YEATS2: variants seen among roughly 807,000 people sequenced by gnomAD.
YEATS2 encodes YEATS domain containing 2, also known as YEATS domain-containing protein 2.
YEATS2 carries 77 observed loss-of-function variants against 163.2 expected under a neutral mutation model. The ratio of observed to expected loss-of-function variants is 0.47; its 90% CI spans 0.39 to 0.57. The LOEUF (loss-of-function observed/expected upper bound fraction) is 0.57, where lower values mean the gene tolerates loss of function less well. Among genes scored for constraint, YEATS2 ranks in the 20% least tolerant of loss-of-function variants. YEATS2 has a pLI of 0.00. For synonymous variants in YEATS2, 631 were observed against 645.1 expected (o/e 0.98, Z 0.33); for missense variants, 1,549 against 1,729.8 (o/e 0.90, Z 1.85).
At chr3:183,720,130 G>A (rs1716341965) in intron 4 of YEATS2, among the ~76,000 whole-genome samples, 1 of 152,096 alleles carries the variant, frequency 6.6e-6, no homozygotes, top group Non-Finnish European at 1.5e-5. Flanking sequence ...ATATCAGCAG[G>A]CACCTAGTTC....
intron 7 of YEATS2, among the ~76,000 whole-genome samples, chr3:183,735,037 G>T (rs1159038292): frequency 1.3e-5 from 2 of 152,224 alleles, no homozygotes; most frequent in East Asian, 3.9e-4. Flanking sequence ...GGAATTTCCT[G>T]TTAAAAAGCA....
At chr3:183,724,853 C>T (rs1427966515) in intron 6 of YEATS2, among the ~76,000 whole-genome samples, 1 of 152,148 alleles carries the variant, frequency 6.6e-6, no homozygotes, top group Non-Finnish European at 1.5e-5. Context: ...AAGCGATTCT[C>T]CTGCCTTAGC....
Position 183,801,485 on chromosome 3 carries a change from C to G in YEATS2, c.3459C>G (p.Leu1153=). 1 of 1,611,034 alleles carries G rather than the reference C, an allele frequency of 6.2e-7. No homozygotes were observed. Among genetic ancestry groups the G allele is most frequent in the Non-Finnish European group, 8.5e-7 (1 of 1,178,648 alleles). The change falls in exon 25 of 31, where the codon CTC becomes CTG. Residue 1153 remains leucine, a synonymous_variant. Transcript: ENST00000305135. ...KIDHLETIQQ[L]LTAVVKKIPL... ...ACCATTTAGAAACTATCCAGCAACT[C>G]CTAACTGCAGTAGTAAAGAAGATTC...
In YEATS2 at chr3:183,812,348, G is replaced by A. The variant is rs1726880553; in HGVS notation, c.*1765G>A. On this transcript the variant is annotated 3_prime_UTR_variant, in exon 31 of 31. Coordinates refer to ENST00000305135, the MANE Select transcript of YEATS2 (RefSeq NM_018023.5). The stretch of plus-strand genomic sequence containing the variant: ...CAGTTTAGTATATAAGGCTCAAATA[G>A]TCTATACCTGAACTGCTATAAGCAA... The A allele has an allele frequency of 6.6e-6, 1 of 152,254 alleles. No homozygotes were observed. The highest frequency in any genetic ancestry group is 2.1e-4 in the South Asian group (1 of 4,828). 9.4% of individuals were successfully genotyped at this position (152,254 alleles called of 1,614,324 possible).
At position 183,736,763 on chromosome 3, in the gene YEATS2, C is replaced by G; in HGVS notation, c.858C>G (p.Pro286=). 6.2e-7 allele frequency: 1 copy of G among 1,613,834 alleles called. No homozygotes were observed. Among genetic ancestry groups the G allele is most frequent in the African/African-American group, 1.3e-5 (1 of 75,008 alleles). The change falls in exon 8 of 31, where the codon CCC becomes CCG. Residue 286 remains proline (P), a synonymous_variant. Transcript: ENST00000305135. ...HLTRRGWGEF[P]VRVQVHFKDS... ...CCAGAAGAGGCTGGGGTGAGTTTCC[C>G]GTCAGAGTTCAAGTTCATTTTAAGG...
chr3:183,710,808 GATAAGA>G (rs1421337395), intron 1 of YEATS2, among the ~76,000 whole-genome samples: 1 of 152,122 alleles, frequency 6.6e-6, no homozygotes, highest in African/African-American at 2.4e-5. Context: ...TGGAAGGTAG[GATAAGA>G]ATATACAGAT....
At chr3:183,718,687 T>C in intron 4 of YEATS2, 95 bp downstream of exon 4, 1 of 1,036,102 alleles carries the variant, frequency 9.7e-7, no homozygotes, top group East Asian at 2.8e-5. Context: ...TCTGAAACAT[T>C]TCTTTCTGTT....
chr3:183,797,795 C>CT, intron 21 of YEATS2, 128 bp from the exon 22 acceptor site: 1 of 1,175,956 alleles, frequency 8.5e-7, no homozygotes, highest in Non-Finnish European at 1.2e-6. Flanking sequence ...GCTTCTTGCT[C>CT]TTTGTTTACT....
At chr3:183,761,437 A>G (rs1721337842) in intron 13 of YEATS2, 70 bp from the exon 14 acceptor site, 2 of 1,351,342 alleles carry the variant, frequency 1.5e-6, no homozygotes, top group Admixed American at 3.4e-5. Context: ...TTTGTATTAA[A>G]TATAAGTGAC....
intron 1 of YEATS2, among the ~76,000 whole-genome samples, chr3:183,714,027 A>C (rs1311213070): frequency 6.6e-6 from 1 of 151,648 alleles, no homozygotes; most frequent in Non-Finnish European, 1.5e-5. Flanking sequence ...CTGGTCTCGA[A>C]CTCCTGACCT....
At chr3:183,809,273 T>C in intron 30 of YEATS2, 103 bp downstream of exon 30, 2 of 1,170,862 alleles carry the variant, frequency 1.7e-6, no homozygotes. Context: ...CAGTAGGAGA[T>C]GGAGTGAGTG....
In YEATS2 at chr3:183,724,431, A is replaced by G. The variant is rs16858033; in HGVS notation, c.550A>G (p.Ile184Val). 22,737 of 1,612,190 alleles carry G rather than the reference A, an allele frequency of 0.014. 1,186 individuals carry two copies. The highest frequency in any genetic ancestry group is 0.14 in the East Asian group (6,109 of 44,806). ...SRNTGRDTSR[I>V]TGSHKTEQRN... ...TGATTTTTTTCAGGATACTTCTAGAATTACTGGCTCCCATAAAACAGAACA... is the reference window on the plus strand; with the variant it reads ...TGATTTTTTTCAGGATACTTCTAGAGTTACTGGCTCCCATAAAACAGAACA... The change falls in exon 6 of 31, where the codon ATT becomes GTT. Residue 184 changes from isoleucine (I) to valine (V), a missense_variant. Transcript: ENST00000305135.
At chr3:183,708,519 A>G (rs1714858033) in intron 1 of YEATS2, among the ~76,000 whole-genome samples, 1 of 151,946 alleles carries the variant, frequency 6.6e-6, no homozygotes, top group Non-Finnish European at 1.5e-5. Flanking sequence ...TTATTATACA[A>G]TTTTCTTTTC....
At chr3:183,749,252 A>G (rs568108289) in intron 9 of YEATS2, among the ~76,000 whole-genome samples, 62 of 152,198 alleles carry the variant, frequency 4.1e-4, no homozygotes, top group Non-Finnish European at 6.5e-4. Flanking sequence ...CGGTTCATAT[A>G]TTTTTTAAAA....
chr3:183,718,684 CATTT>C, intron 4 of YEATS2, 92 bp downstream of exon 4: 2 of 1,027,602 alleles, frequency 1.9e-6, no homozygotes, highest in East Asian at 5.7e-5. Flanking sequence ...GCATCTGAAA[CATTT>C]CTTTCTGTTT....
chr3:183,790,691 C>T, intron 20 of YEATS2, 106 bp from the exon 21 acceptor site: 1 of 1,245,742 alleles, frequency 8.0e-7, no homozygotes, highest in Non-Finnish European at 1.1e-6. Flanking sequence ...GTCATTAACA[C>T]CTAATAGATG....
intron 7 of YEATS2, among the ~76,000 whole-genome samples, chr3:183,729,363 A>G (rs1001120516): frequency 4.6e-5 from 7 of 152,056 alleles, no homozygotes; most frequent in Non-Finnish European, 1.0e-4. Context: ...TACCACACTA[A>G]TTATATTAAC....
In YEATS2 at chr3:183,776,135, T is replaced by C. The variant is rs760723524; in HGVS notation, c.2577+12T>C. ...AGCAAACTCCCCAGGTCTGGTTCTC[T>C]GTAACTGATATTTTAAATCATTTAG... On this transcript the variant is annotated intron_variant, in intron 18 of 30. Transcript: ENST00000305135. The C allele has an allele frequency of 3.9e-6, 6 of 1,537,624 alleles. No individual in the cohort carries two copies. Among genetic ancestry groups the C allele is most frequent in the Non-Finnish European group, 5.2e-6 (6 of 1,145,644 alleles).
At chr3:183,777,791 A>G in intron 19 of YEATS2, 91 bp downstream of exon 19, 3 of 1,461,774 alleles carry the variant, frequency 2.1e-6, no homozygotes, top group Non-Finnish European at 2.7e-6. Flanking sequence ...TCACAAAGAA[A>G]TTAAGGTTAC....
Sources: allele counts gnomAD v4.1 joint callset (sites outside exome capture counted in the v4.1 genomes callset), GRCh38; gene constraint gnomAD v4.1.1; transcripts MANE v1.5; gene names NCBI Gene and HGNC (gene_info 2026-07-23, HGNC 2026-07-21).